The following GALNT13 variants were observed in gnomAD, a reference collection of about 807,000 sequenced individuals.
GALNT13 encodes polypeptide N-acetylgalactosaminyltransferase 13.
Under a neutral mutation model 64.2 loss-of-function variants are expected in GALNT13, and 28 were observed. The observed-to-expected ratio is 0.44, with a 90% CI of 0.32 to 0.60. The LOEUF (loss-of-function observed/expected upper bound fraction) is 0.60. Ranked by LOEUF, GALNT13 falls within the 20% of genes least tolerant of loss-of-function variation. GALNT13 has a pLI of 0.05. For missense variants in GALNT13, 577 were observed against 669.8 expected, an observed-to-expected ratio of 0.86 and a Z score of 1.53; for synonymous variants, 214 against 224.6, an observed-to-expected ratio of 0.95 and a Z score of 0.42.
At chr2:153,440,106 C>T in the GALNT13 span, among the ~76,000 whole-genome samples, 4 of 152,194 alleles carry the variant, frequency 2.6e-5, no homozygotes, top group South Asian at 4.1e-4. Flanking sequence ...CCCCTAGCCC[C>T]CCACCCCCAA....
chr2:154,026,454 C>G (rs1324803955), intron 3 of GALNT13, among the ~76,000 whole-genome samples: 1 of 152,142 alleles, frequency 6.6e-6, no homozygotes, highest in Admixed American at 6.5e-5. Context: ...TCAGCTAGTG[C>G]TGCCATCACA....
chr2:153,901,285 C>G (rs1056706985), intron 2 of GALNT13, among the ~76,000 whole-genome samples: 29 of 152,046 alleles, frequency 1.9e-4, no homozygotes, highest in Admixed American at 5.2e-4. Flanking sequence ...TTTCTTTATG[C>G]TTAAGATTGC....
At chr2:154,269,930 A>ATATATGTGTATATATATATATATATAT (rs1553506263) in intron 8 of GALNT13, among the ~76,000 whole-genome samples, 4 of 142,884 alleles carry the variant, frequency 2.8e-5, no homozygotes, top group African/African-American at 5.0e-5. Context: ...ATATATTTCT[A>ATATATGTGTATATATATATATATATAT]AAGCACAGGG....
At chr2:153,343,866 C>A in the GALNT13 span, among the ~76,000 whole-genome samples, 1 of 152,054 alleles carries the variant, frequency 6.6e-6, no homozygotes. Flanking sequence ...ACACTAAACA[C>A]CCTGCATCTA....
intron 3 of GALNT13, among the ~76,000 whole-genome samples, chr2:153,991,183 A>T (rs1176586822): frequency 6.6e-6 from 1 of 152,174 alleles, no homozygotes; most frequent in East Asian, 1.9e-4. Flanking sequence ...GAAGAACATA[A>T]TAATTCACTC....
At chr2:153,841,032 G>A in the GALNT13 span, among the ~76,000 whole-genome samples, 1 of 151,932 alleles carries the variant, frequency 6.6e-6, no homozygotes, top group Non-Finnish European at 1.5e-5. Context: ...AAACTCTCAT[G>A]ATTCTCTGAA....
chr2:154,439,049 A>G (rs904029740), intron 12 of GALNT13, among the ~76,000 whole-genome samples: 1 of 152,212 alleles, frequency 6.6e-6, no homozygotes, highest in African/African-American at 2.4e-5. Flanking sequence ...AGATGTGCAT[A>G]CAGGATAATA....
the GALNT13 span, among the ~76,000 whole-genome samples, chr2:153,261,302 T>G: frequency 0.024 from 3,579 of 152,270 alleles, 137 homozygotes; most frequent in African/African-American, 0.076. Context: ...AATTAGGTAT[T>G]TATTGTAGTA....
intron 11 of GALNT13, among the ~76,000 whole-genome samples, chr2:154,419,147 A>G (rs1166724988): frequency 6.6e-6 from 1 of 152,156 alleles, no homozygotes; most frequent in East Asian, 1.9e-4. Context: ...TAATTGAGCA[A>G]AAAATCAACA....
chr2:154,422,014 C>G (rs1207996198), intron 11 of GALNT13, among the ~76,000 whole-genome samples: 4 of 152,022 alleles, frequency 2.6e-5, no homozygotes, highest in South Asian at 2.1e-4. Flanking sequence ...TCAGCGTGCA[C>G]AGAGAGCAGA....
the GALNT13 span, among the ~76,000 whole-genome samples, chr2:153,603,929 C>T: frequency 6.6e-5 from 10 of 151,960 alleles, no homozygotes; most frequent in Non-Finnish European, 1.2e-4. Context: ...GTGTGTATGT[C>T]ATTATCTGCT....
chr2:153,228,668 A>G, the GALNT13 span, among the ~76,000 whole-genome samples: 1 of 152,008 alleles, frequency 6.6e-6, no homozygotes, highest in Non-Finnish European at 1.5e-5. Flanking sequence ...AGGTCAAGAG[A>G]TGGAGACCAT....
rs1002995201 is a variant in GALNT13, at chr2:154,028,323, G to A, written c.142+83684G>A. 1.7e-4 allele frequency among the ~76,000 whole-genome samples: 26 copies of A among 151,952 alleles called. No homozygotes were observed. The South Asian group carries it at 2.3e-3, about 13-fold the overall frequency. ...ATCCTGATAAATTTATTCTTCACAA[G>A]GCCATGAATATTATTTTTTCCCAAT... On this transcript the variant is annotated intron_variant, in intron 3 of 12. Transcript: ENST00000392825.
the GALNT13 span, among the ~76,000 whole-genome samples, chr2:153,388,643 T>C: frequency 4.6e-5 from 7 of 152,176 alleles, no homozygotes; most frequent in East Asian, 1.4e-3. Context: ...GAAGGGACTT[T>C]TGCAATTTTT....
chr2:153,390,915 G>T, the GALNT13 span, among the ~76,000 whole-genome samples: 1 of 152,050 alleles, frequency 6.6e-6, no homozygotes, highest in Non-Finnish European at 1.5e-5. Context: ...CATATTCAAT[G>T]GTGAAAGCTG....
chr2:153,827,967 T>C, the GALNT13 span, among the ~76,000 whole-genome samples: 37 of 152,360 alleles, frequency 2.4e-4, no homozygotes, highest in Non-Finnish European at 4.6e-4. Flanking sequence ...CACGCAAGTC[T>C]GAAATCCAAC....
chr2:153,090,787 C>A, the GALNT13 span, among the ~76,000 whole-genome samples: 1 of 152,046 alleles, frequency 6.6e-6, no homozygotes, highest in Non-Finnish European at 1.5e-5. Flanking sequence ...TTGGGCGGGG[C>A]TTGCTGTGGC....
intron 1 of GALNT13, among the ~76,000 whole-genome samples, chr2:153,875,480 G>C (rs189056267): frequency 6.6e-6 from 1 of 152,264 alleles, no homozygotes; most frequent in East Asian, 1.9e-4. Context: ...TTACTGGGCA[G>C]TCATTTCAGT....
chr2:154,301,375 T>C, intron 8 of GALNT13, 34 bp from the exon 9 acceptor site: 3 of 1,559,624 alleles, frequency 1.9e-6, no homozygotes, highest in Non-Finnish European at 2.6e-6. Flanking sequence ...TACAATATTA[T>C]TGCATTATTT....
Sources: gnomAD v4.1 joint callset for allele counts (sites outside exome capture counted in the v4.1 genomes callset) on GRCh38, gnomAD v4.1.1 for gene constraint, MANE v1.5 for transcripts, NCBI Gene and HGNC (gene_info 2026-07-23, HGNC 2026-07-21) for gene names.